MGAT5: variants seen among roughly 807,000 people sequenced by gnomAD.
MGAT5 encodes alpha-1,6-mannosylglycoprotein 6-beta-N-acetylglucosaminyltransferase A.
In MGAT5, 30 loss-of-function variants were observed where a neutral mutation model predicts 94.3. The observed-to-expected ratio is 0.32, with a 90% CI of 0.24 to 0.43. The LOEUF is 0.43. Ranked by LOEUF, MGAT5 falls within the 20% of genes least tolerant of loss-of-function variation. The pLI, the probability that MGAT5 is intolerant of heterozygous loss-of-function variation, is 1.00. For missense variants in MGAT5, 691 were observed against 905.5 expected, an observed-to-expected ratio of 0.76 and a Z score of 3.04; for synonymous variants, 310 against 322.9, an observed-to-expected ratio of 0.96 and a Z score of 0.43.
chr2:134,310,907 G>A (rs1294329947), intron 2 of MGAT5, among the ~76,000 whole-genome samples: 5 of 152,166 alleles, frequency 3.3e-5, no homozygotes, highest in East Asian at 1.9e-4. Flanking sequence ...AGATTGAGTC[G>A]GTTCCCAGCC....
At position 134,167,361 on chromosome 2, in the gene MGAT5, A is replaced by G. The variant is rs113392744; in HGVS notation, c.-143+47070A>G. 7.6e-3 allele frequency among the ~76,000 whole-genome samples: 1,161 copies of G among 152,328 alleles called. 11 individuals carry two copies. The highest frequency in any genetic ancestry group is 0.026 in the African/African-American group (1,066 of 41,574). ...TTAAGGAAAAGAGCTGTCTGAAGTA[A>G]TGGCCCAGCCCACATGTTTACAGCG... On this transcript the variant is annotated intron_variant, in intron 1 of 16. Transcript: ENST00000409645.
chr2:134,340,688 TTA>T (rs1688572999), intron 6 of MGAT5, among the ~76,000 whole-genome samples: 1 of 152,070 alleles, frequency 6.6e-6, no homozygotes, highest in Admixed American at 6.6e-5. Context: ...TAGTTTCTCT[TTA>T]TAGAGAGGTA....
intron 10 of MGAT5, among the ~76,000 whole-genome samples, chr2:134,383,708 ATT>A (rs531981933): frequency 1.3e-4 from 18 of 143,280 alleles, no homozygotes; most frequent in African/African-American, 1.8e-4. Flanking sequence ...TGAGCTAAGC[ATT>A]TTTTTTTTTT....
chr2:134,202,093 A>G (rs1386794492), intron 1 of MGAT5, among the ~76,000 whole-genome samples: 3 of 151,120 alleles, frequency 2.0e-5, no homozygotes, highest in East Asian at 3.9e-4. Context: ...ATATCTATCT[A>G]TGACATCCTC....
rs1354458009 is a variant in MGAT5 at position 134,387,326 on chromosome 2, ATATATATTT to A, written c.1381-15660_1381-15652del. ...GATATATATATATATATATATATAT[ATATATATTT>A]TTTTTTTTTTTTTTTTTTACCAAAC... On this transcript the variant is annotated intron_variant, in intron 10 of 15. Transcript: ENST00000281923. Among the ~76,000 whole-genome samples, 10 of 36,744 alleles carry A rather than the reference ATATATATTT, an allele frequency of 2.7e-4. No individual in the cohort carries two copies. In the East Asian group the frequency reaches 0.014, roughly 50 times the overall value. 24.1% of individuals were successfully genotyped at this position (36,744 alleles called of 152,430 possible). A position where few individuals can be genotyped will look rare whatever the true frequency, so the allele number is the denominator to read the frequency against.
At chr2:134,161,442 T>C (rs991247691) in intron 1 of MGAT5, among the ~76,000 whole-genome samples, 3 of 152,216 alleles carry the variant, frequency 2.0e-5, no homozygotes, top group Non-Finnish European at 2.9e-5. Context: ...AACTTCTGAA[T>C]GCTGGCCTCT....
chr2:134,266,655 T>A (rs1200495702), intron 1 of MGAT5, among the ~76,000 whole-genome samples: 1 of 152,260 alleles, frequency 6.6e-6, no homozygotes, highest in African/African-American at 2.4e-5. Flanking sequence ...TACTATAGTT[T>A]GTTTCACTCA....
intron 12 of MGAT5, among the ~76,000 whole-genome samples, chr2:134,418,981 T>G (rs985944033): frequency 1.3e-5 from 2 of 152,206 alleles, no homozygotes; most frequent in Non-Finnish European, 2.9e-5. Context: ...AAGCTTTTAA[T>G]GGGAAAAGAG....
chr2:134,275,736 A>G lies in MGAT5; in HGVS notation c.406+5186A>G, dbSNP rs536525097. 3.3e-5 allele frequency among the ~76,000 whole-genome samples: 5 copies of G among 151,944 alleles called. No homozygotes were observed. The South Asian group carries it at 8.3e-4, about 25-fold the overall frequency. ...TAGCTGGGACTACAGGCAATGTGCC[A>G]TCATGCCCGGCAAATTCTTTTTTCT... On this transcript the variant is annotated intron_variant, in intron 2 of 15. Transcript: ENST00000281923.
At chr2:134,377,142 C>A (rs1681234186) in intron 10 of MGAT5, among the ~76,000 whole-genome samples, 1 of 152,220 alleles carries the variant, frequency 6.6e-6, no homozygotes, top group Non-Finnish European at 1.5e-5. Flanking sequence ...CTATAATTAG[C>A]AAAATACCTC....
At chr2:134,249,358 T>C (rs559353033), upstream of MGAT5, among the ~76,000 whole-genome samples, 22 of 152,190 alleles carry the variant, frequency 1.4e-4, no homozygotes, top group African/African-American at 5.3e-4. Context: ...AGAACCTTTT[T>C]GTTACCCCCT....
chr2:134,237,503 G>A (rs1681709424), intron 1 of MGAT5, among the ~76,000 whole-genome samples: 1 of 152,148 alleles, frequency 6.6e-6, no homozygotes, highest in African/African-American at 2.4e-5. Flanking sequence ...TTCCCCAGGT[G>A]GGAATTCATA....
At chr2:134,433,939 A>G (rs1339829360) in intron 14 of MGAT5, among the ~76,000 whole-genome samples, 3 of 151,072 alleles carry the variant, frequency 2.0e-5, no homozygotes, top group Non-Finnish European at 2.9e-5. Context: ...GTGGGTTCCC[A>G]CCAAAACCCA....
At chr2:134,369,132 G>A (rs950250863) in intron 10 of MGAT5, among the ~76,000 whole-genome samples, 5 of 152,130 alleles carry the variant, frequency 3.3e-5, no homozygotes, top group African/African-American at 1.2e-4. Flanking sequence ...GTAGGCACTC[G>A]GAAACTACTT....
At chr2:134,229,144 CA>C (rs201718138) in intron 1 of MGAT5, among the ~76,000 whole-genome samples, 4 of 151,928 alleles carry the variant, frequency 2.6e-5, no homozygotes, top group Non-Finnish European at 5.9e-5. Context: ...ACAAACCTTA[CA>C]AAAAAAATAT....
intron 15 of MGAT5, among the ~76,000 whole-genome samples, chr2:134,444,186 T>C (rs1685644805): frequency 6.6e-6 from 1 of 152,188 alleles, no homozygotes; most frequent in African/African-American, 2.4e-5. Flanking sequence ...ACCCCTTTCT[T>C]CCAGAGAGCT....
chr2:134,315,978 A>G (rs1686974897), intron 2 of MGAT5, among the ~76,000 whole-genome samples: 1 of 152,214 alleles, frequency 6.6e-6, no homozygotes, highest in Non-Finnish European at 1.5e-5. Flanking sequence ...CAGTCCCAGC[A>G]GCCACTGAGT....
intron 1 of MGAT5, among the ~76,000 whole-genome samples, chr2:134,162,848 A>G (rs1687798238): frequency 6.6e-6 from 1 of 152,222 alleles, no homozygotes; most frequent in Non-Finnish European, 1.5e-5. Flanking sequence ...TTCACAGAAG[A>G]TGAAACCGAG....
Position 134,284,171 on chromosome 2 carries a change from G to T in MGAT5, c.406+13621G>T, listed in dbSNP as rs553377373. On this transcript the variant is annotated intron_variant, in intron 2 of 15. Coordinates refer to ENST00000281923, the MANE Select transcript of MGAT5 (RefSeq NM_002410.5). ...TTGCAACTTTCCAAAATCCTTGGTG[G>T]ATGGTTCTCCAGATTTATCTCAACA... Among the ~76,000 whole-genome samples, 4 of 152,242 alleles carry T rather than the reference G, an allele frequency of 2.6e-5. No individual in the cohort carries two copies. In the South Asian group the frequency reaches 8.3e-4, roughly 32 times the overall value.
Sources: allele counts gnomAD v4.1 joint callset (sites outside exome capture counted in the v4.1 genomes callset), GRCh38; gene constraint gnomAD v4.1.1; transcripts MANE v1.5; gene names NCBI Gene and HGNC (gene_info 2026-07-23, HGNC 2026-07-21).